CAMKK1: variants seen among roughly 807,000 people sequenced by gnomAD.
CAMKK1 encodes the protein calcium/calmodulin dependent protein kinase kinase 1, also known as calcium/calmodulin-dependent protein kinase kinase 1.
In CAMKK1, 20 loss-of-function variants were observed where a neutral mutation model predicts 63.5. The observed-to-expected ratio is 0.32, with a 90% CI of 0.22 to 0.46. CAMKK1 has a LOEUF of 0.46. Ranked by LOEUF, CAMKK1 falls within the 20% of genes least tolerant of loss-of-function variation. The pLI, the probability that CAMKK1 is intolerant of heterozygous loss-of-function variation, is 1.00. For missense variants in CAMKK1, 588 were observed against 658.1 expected, an observed-to-expected ratio of 0.89 and a Z score of 1.17; for synonymous variants, 253 against 269.0, an observed-to-expected ratio of 0.94 and a Z score of 0.58.
intron 10 of CAMKK1, among the ~76,000 whole-genome samples, chr17:3,874,740 C>T (rs886325610): frequency 2.0e-5 from 3 of 151,872 alleles, no homozygotes; most frequent in African/African-American, 7.2e-5. Flanking sequence ...AACTCCTGAC[C>T]TCAGGTGATC....
At chr17:3,881,546 C>A in intron 8 of CAMKK1, 81 bp downstream of exon 8, 1 of 1,390,052 alleles carries the variant, frequency 7.2e-7, no homozygotes, top group South Asian at 1.2e-5. Context: ...AGTAGCTGAC[C>A]CCTGGGCTGG....
rs141096621 is a variant in CAMKK1 at position 3,862,787 on chromosome 17, G to A, written c.1446-504C>T. On this transcript the variant is annotated intron_variant, in intron 15 of 15. Coordinates refer to ENST00000348335, the MANE Select transcript of CAMKK1 (RefSeq NM_032294.3). The surrounding 1 kb of genome is among the most constrained non-coding windows in gnomAD (Gnocchi z 4.1). The stretch of plus-strand genomic sequence containing the variant: ...TGAGACTACAGGCACATGCCACCAC[G>A]CCCAGCTAATTTTTGTATTTTTTTA... Among the ~76,000 whole-genome samples, 1 of 152,158 alleles carries A rather than the reference G, an allele frequency of 6.6e-6. No individual in the cohort carries two copies. Among genetic ancestry groups the A allele is most frequent in the Non-Finnish European group, 1.5e-5 (1 of 68,014 alleles).
At chr17:3,867,704 G>A (rs923914988) in intron 14 of CAMKK1, among the ~76,000 whole-genome samples, 9 of 152,122 alleles carry the variant, frequency 5.9e-5, no homozygotes, top group African/African-American at 9.7e-5. Context: ...CAGCTGGGCC[G>A]GGACCCTGCA....
intron 9 of CAMKK1, among the ~76,000 whole-genome samples, chr17:3,878,049 G>A (rs1189187280): frequency 2.0e-5 from 3 of 152,102 alleles, no homozygotes; most frequent in Admixed American, 1.3e-4. Context: ...AAAAACTTCA[G>A]GATCATCCTC....
chr17:3,862,239 C>T lies in CAMKK1; in HGVS notation c.1490G>A (p.Gly497Asp), dbSNP rs1262552044. 1.1e-5 allele frequency: 18 copies of T among 1,590,974 alleles called. No individual in the cohort carries two copies. Among genetic ancestry groups the T allele is most frequent in the Non-Finnish European group, 1.5e-5 (18 of 1,168,170 alleles). Residue 497 changes from glycine to aspartate, a missense_variant, in exon 16 of 16, where the codon GGC (glycine) becomes GAC (aspartate). Gly to Asp is a moderately conservative substitution (Grantham distance 94). Around this residue, in one of 3 missense-constraint regions of CAMKK1, gnomAD observed 226 missense variants for 229.2 expected, o/e 0.99. Coordinates refer to ENST00000348335, the MANE Select transcript of CAMKK1 (RefSeq NM_032294.3). This position sits in a 1 kb window ranked among gnomAD's most constrained non-coding sequence, Gnocchi z 4.1. ...GEGGKSPELP[G>D]VQEDEAAS ...GGATGCAGCCTCGTCTTCCTGGACG[C>T]CGGGGAGCTCTGGGCTCTTGCCCCC...
intron 14 of CAMKK1, among the ~76,000 whole-genome samples, chr17:3,867,489 G>T (rs1434326855): frequency 6.6e-6 from 1 of 152,214 alleles, no homozygotes; most frequent in African/African-American, 2.4e-5. Flanking sequence ...ACCATGCTGG[G>T]TGCTGAGTTG....
rs2055414004 is a variant in CAMKK1, at chr17:3,881,635, C to T, written c.699G>A (p.Leu233=). 8 of 1,569,360 alleles carry T rather than the reference C, an allele frequency of 5.1e-6. No individual in the cohort carries two copies. The highest frequency in any genetic ancestry group is 6.9e-6 in the Non-Finnish European group (8 of 1,155,326). The change falls in exon 8 of 16, where the codon CTG becomes CTA. Residue 233 remains leucine (L), a synonymous_variant. Coordinates refer to ENST00000348335, the MANE Select transcript of CAMKK1 (RefSeq NM_032294.3). ...EDNLYLVFDL[L]RKGPVMEVPC... ...CAGGACGGGGAACTCACCCCTTTCT[C>T]AGGAGGTCAAACACTGAAAGAAAAG...
Position 3,885,552 on chromosome 17 carries a change from G to C in CAMKK1, c.136C>G (p.Pro46Ala), listed in dbSNP as rs1400052185. The change falls in exon 2 of 16, where the codon CCA becomes GCA. Residue 46 changes from proline (P) to alanine (A), a missense_variant. This residue lies in a region of CAMKK1 where 357 missense variants were observed against 407.4 expected (regional missense o/e 0.88). Transcript: ENST00000348335. The part of the protein sequence containing the change: ...EPTRNGVDPP[P>A]RARAASVIPG... ...ATCACAGAGGCAGCTCTGGCCCGTG[G>C]TGGGGGGTCCACACCGTTTCTAGTA... The C allele has an allele frequency of 2.5e-6, 4 of 1,613,906 alleles. No homozygotes were observed. In the East Asian group the frequency reaches 6.7e-5, roughly 27 times the overall value.
chr17:3,877,967 C>T (rs1285072483), intron 9 of CAMKK1, among the ~76,000 whole-genome samples: 1 of 152,192 alleles, frequency 6.6e-6, no homozygotes, highest in African/African-American at 2.4e-5. Context: ...ATGCCTACCA[C>T]CAACAAAATC....
At position 3,879,740 on chromosome 17, in the gene CAMKK1, C is replaced by T. The variant is rs1365083919; in HGVS notation, c.796+606G>A. On this transcript the variant is annotated intron_variant, in intron 9 of 15. Transcript: ENST00000348335. The surrounding 1 kb of genome is among the most constrained non-coding windows in gnomAD (Gnocchi z 4.5). The stretch of plus-strand genomic sequence containing the variant: ...CTTCCCCAGCCCCCCGGCACTCCTA[C>T]AGCCTCTAGGCTCCCCAGCCTTGGC... 6.5e-6 allele frequency: 1 copy of T among 152,884 alleles called. No individual in the cohort carries two copies. Among genetic ancestry groups the T allele is most frequent in the Non-Finnish European group, 1.5e-5 (1 of 68,520 alleles). The allele number at this position is 152,884 out of a possible 1,614,324, so 9.5% of individuals were successfully genotyped here. A position where few individuals can be genotyped will look rare whatever the true frequency, so the allele number is the denominator to read the frequency against.
Position 3,862,896 on chromosome 17 carries a change from T to G in CAMKK1, c.1446-613A>C, listed in dbSNP as rs2054377948. The stretch of plus-strand genomic sequence containing the variant: ...AAGCGATCCATCCACCTCAGCCTCC[T>G]AAAGTGTTGGGATTGCAGGCGTGAG... On this transcript the variant is annotated intron_variant, in intron 15 of 15. Coordinates refer to ENST00000348335, the MANE Select transcript of CAMKK1 (RefSeq NM_032294.3). This position sits in a 1 kb window ranked among gnomAD's most constrained non-coding sequence, Gnocchi z 4.1. 6.6e-6 allele frequency among the ~76,000 whole-genome samples: 1 copy of G among 152,106 alleles called. No homozygotes were observed. The highest frequency in any genetic ancestry group is 2.1e-4 in the South Asian group (1 of 4,824).
chr17:3,885,282 GACT>G, intron 2 of CAMKK1, 43 bp downstream of exon 2: 1 of 1,514,966 alleles, frequency 6.6e-7, no homozygotes, highest in Non-Finnish European at 8.8e-7. Flanking sequence ...CTTCATTGCA[GACT>G]ACTGAGGGGC....
In CAMKK1 at chr17:3,883,838, C is replaced by T; in HGVS notation, c.462+46G>A. The T allele has an allele frequency of 1.9e-6, 3 of 1,604,298 alleles. No individual in the cohort carries two copies. The South Asian group carries it at 3.3e-5, about 18-fold the overall frequency. ...AACTCCTGCCCCACCCCTCAGGCTT[C>T]CAGGGCCTGGCTTGGGCAACACCTC... On this transcript the variant is annotated intron_variant, in intron 4 of 15. Coordinates refer to ENST00000348335, the MANE Select transcript of CAMKK1 (RefSeq NM_032294.3). The surrounding 1 kb of genome is among the most constrained non-coding windows in gnomAD (Gnocchi z 4.7).
intron 15 of CAMKK1, among the ~76,000 whole-genome samples, chr17:3,863,226 T>A (rs1261165683): frequency 6.6e-6 from 1 of 152,016 alleles, no homozygotes; most frequent in Non-Finnish European, 1.5e-5. Context: ...CCGGGCACAG[T>A]GGCTCACGCC....
intron 12 of CAMKK1, 85 bp from the exon 13 acceptor site, chr17:3,869,973 C>T: frequency 1.8e-6 from 2 of 1,115,060 alleles, no homozygotes; most frequent in Non-Finnish European, 2.7e-6. Flanking sequence ...AACCTTCGTC[C>T]CTCGGATGGG....
chr17:3,883,300 T>G lies in CAMKK1; in HGVS notation c.515-125A>C. 6.8e-7 allele frequency: 1 copy of G among 1,480,786 alleles called. No homozygotes were observed. Among genetic ancestry groups the G allele is most frequent in the African/African-American group, 1.4e-5 (1 of 72,256 alleles). The allele number at this position is 1,480,786 out of a possible 1,614,324, so 91.7% of individuals were successfully genotyped here. ...TTGTCCCAACCCACAGGGCACATTC[T>G]GTCCCCAGGCCTCTGCTCACGCTGT... On this transcript the variant is annotated intron_variant, in intron 5 of 15. Coordinates refer to ENST00000348335, the MANE Select transcript of CAMKK1 (RefSeq NM_032294.3). This position sits in a 1 kb window ranked among gnomAD's most constrained non-coding sequence, Gnocchi z 4.7.
chr17:3,863,127 T>C (rs2054384264), intron 15 of CAMKK1, among the ~76,000 whole-genome samples: 1 of 152,208 alleles, frequency 6.6e-6, no homozygotes. Flanking sequence ...AACCAGTAAA[T>C]GGGTTTTGAT....
intron 10 of CAMKK1, among the ~76,000 whole-genome samples, chr17:3,874,255 G>A (rs917873707): frequency 1.3e-5 from 2 of 152,114 alleles, no homozygotes; most frequent in African/African-American, 4.8e-5. Context: ...GGATACCACA[G>A]ACAAGAAGGT....
Position 3,889,022 on chromosome 17 carries a change from T to G in CAMKK1, c.-43-3292A>C, listed in dbSNP as rs2055785875. Among the ~76,000 whole-genome samples the G allele has an allele frequency of 6.6e-6, 1 of 152,074 alleles. No individual in the cohort carries two copies. The highest frequency in any genetic ancestry group is 2.4e-5 in the African/African-American group (1 of 41,394). On this transcript the variant is annotated intron_variant, in intron 1 of 15. Coordinates refer to ENST00000348335, the MANE Select transcript of CAMKK1 (RefSeq NM_032294.3). The surrounding 1 kb of genome is among the most constrained non-coding windows in gnomAD (Gnocchi z 5.2). ...GCGCAGGTGTGTTTATGCGCCTGTG[T>G]GCCTGCAGGTCTCCGTGTACCTATG... is the stretch of plus-strand genomic sequence containing the variant.
Sources: allele counts gnomAD v4.1 joint callset (sites outside exome capture counted in the v4.1 genomes callset), GRCh38; gene constraint gnomAD v4.1.1; regional missense constraint gnomAD v4.1.1; non-coding constraint Gnocchi (gnomAD v3.1); transcripts MANE v1.5; gene names NCBI Gene and HGNC (gene_info 2026-07-23, HGNC 2026-07-21).